The following CTSC variants were observed in gnomAD, a reference collection of about 807,000 sequenced individuals.
CTSC encodes the protein cathepsin C, also known as dipeptidyl peptidase 1.
Under a neutral mutation model 40.9 loss-of-function variants are expected in CTSC, and 37 were observed. The ratio of observed to expected loss-of-function variants is 0.91; its 90% CI spans 0.70 to 1.19. The LOEUF is 1.19. Among genes scored for constraint, CTSC ranks in the 50% most tolerant of loss-of-function variants. The pLI, the probability that CTSC is intolerant of heterozygous loss-of-function variation, is 0.00. For synonymous variants in CTSC, 232 were observed against 207.4 expected (o/e 1.12, Z -1.02); for missense variants, 594 against 567.3 (o/e 1.05, Z -0.48).
intron 5 of CTSC, chr11:88,299,643 GA>G (rs1015730072): frequency 2.0e-5 from 3 of 152,150 alleles, no homozygotes; most frequent in Non-Finnish European, 4.4e-5. Context: ...TTAGGAAAGG[GA>G]AACAACAGTT....
At chr11:88,317,359 A>G (rs1299584433) in intron 2 of CTSC, among the ~76,000 whole-genome samples, 1 of 152,236 alleles carries the variant, frequency 6.6e-6, no homozygotes, top group Non-Finnish European at 1.5e-5. Context: ...TTTTGTTGTT[A>G]TAACTTAAAC....
intron 2 of CTSC, among the ~76,000 whole-genome samples, chr11:88,318,380 T>C (rs1244875852): frequency 6.6e-6 from 1 of 152,206 alleles, no homozygotes; most frequent in African/African-American, 2.4e-5. Context: ...ATGAAAGATA[T>C]AGATGAAATT....
In CTSC at chr11:88,337,727, G is replaced by A. The variant is rs766114323; in HGVS notation, c.-55C>T. The A allele has an allele frequency of 3.9e-6, 6 of 1,544,052 alleles. No individual in the cohort carries two copies. Among genetic ancestry groups the A allele is most frequent in the Admixed American group, 2.0e-5 (1 of 51,030 alleles). ...AATTACCAGGAAGCCGAGCGCTGCG[G>A]GCTAGCGGTGAGTCCACCACGAGGC... On this transcript the variant is annotated 5_prime_UTR_variant, in exon 1 of 7. Transcript: ENST00000227266.
intron 2 of CTSC, chr11:88,325,792 CAT>C (rs1454282688): frequency 2.0e-6 from 2 of 985,762 alleles, no homozygotes; most frequent in Non-Finnish European, 2.4e-6. Flanking sequence ...AGCAGTCTGA[CAT>C]ATCTGAGAAA....
rs775385114 is a variant in CTSC at position 88,294,150 on chromosome 11, TGA to T, written c.1246_1247del (p.Ala417LeufsTer9). The T allele has an allele frequency of 3.7e-6, 6 of 1,613,950 alleles. No individual in the cohort carries two copies. Among genetic ancestry groups the T allele is most frequent in the Non-Finnish European group, 3.4e-6 (4 of 1,180,016 alleles). ...AVLLVGYGTD[S>X]ASGMDYWIVK... Reference sequence around the variant, plus strand: ...CAATCCAGTAATCCATCCCAGAGGCTGAGTCAGTGCCATAGCCCACAAGCAGA... The same window carrying T: ...CAATCCAGTAATCCATCCCAGAGGCTGTCAGTGCCATAGCCCACAAGCAGA... On this transcript the variant is annotated frameshift_variant, in exon 7 of 7. Transcript: ENST00000227266. LOFTEE classifies it high-confidence loss of function.
chr11:88,333,534 C>A (rs533203344), intron 2 of CTSC, among the ~76,000 whole-genome samples: 1 of 152,188 alleles, frequency 6.6e-6, no homozygotes, highest in African/African-American at 2.4e-5. Context: ...GATTCTTAAT[C>A]TGAAGTCAAA....
chr11:88,325,435 G>T, intron 2 of CTSC: 1 of 985,320 alleles, frequency 1.0e-6, no homozygotes, highest in Non-Finnish European at 1.2e-6. Flanking sequence ...TCACAGACTG[G>T]AATTTACCAG....
At chr11:88,333,138 A>G (rs1006664698) in intron 2 of CTSC, among the ~76,000 whole-genome samples, 6 of 152,242 alleles carry the variant, frequency 3.9e-5, no homozygotes, top group African/African-American at 1.4e-4. Context: ...TGAAAAAATA[A>G]TAAAAGAAGA....
intron 4 of CTSC, among the ~76,000 whole-genome samples, chr11:88,307,085 G>T (rs1409138176): frequency 6.6e-6 from 1 of 152,200 alleles, no homozygotes; most frequent in South Asian, 2.1e-4. Flanking sequence ...AAGTGTTTTA[G>T]TTGAGTAATT....
At chr11:88,295,121 A>T (rs1944283642) in intron 6 of CTSC, among the ~76,000 whole-genome samples, 1 of 152,138 alleles carries the variant, frequency 6.6e-6, no homozygotes, top group Non-Finnish European at 1.5e-5. Flanking sequence ...TGTAAGCTTC[A>T]TGAGGATAAA....
intron 2 of CTSC, chr11:88,325,590 A>G: frequency 1.0e-6 from 1 of 984,920 alleles, no homozygotes; most frequent in African/African-American, 1.7e-5. Context: ...ACTGTAAGAG[A>G]TTAATTTTCT....
chr11:88,315,966 G>A (rs55775333), intron 2 of CTSC, among the ~76,000 whole-genome samples: 14 of 151,744 alleles, frequency 9.2e-5, no homozygotes, highest in Admixed American at 7.9e-4. Flanking sequence ...TTCAAATACA[G>A]GTTTACATGT....
Position 88,328,502 on chromosome 11 carries a change from T to C in CTSC, c.318+6435A>G, listed in dbSNP as rs117608360. On this transcript the variant is annotated intron_variant, in intron 2 of 6. Transcript: ENST00000227266. ...GAAAAAATGTCACAATATTCCCAAA[T>C]CTTTTATTGTAGAAACACAGGCGAC... Among the ~76,000 whole-genome samples the C allele has an allele frequency of 1.1e-3, 172 of 152,310 alleles. 3 individuals carry two copies. The East Asian group carries it at 0.031, about 28-fold the overall frequency.
At position 88,327,724 on chromosome 11, in the gene CTSC, T is replaced by C. The variant is rs562680596; in HGVS notation, c.318+7213A>G. 2.0e-5 allele frequency among the ~76,000 whole-genome samples: 3 copies of C among 152,340 alleles called. No individual in the cohort carries two copies. In the East Asian group the frequency reaches 5.8e-4, roughly 29 times the overall value. On this transcript the variant is annotated intron_variant, in intron 2 of 6. Transcript: ENST00000227266. ...GCTGCTGTGGCCTCACATGTTTCTC[T>C]CTTGAGGGATTCTTTTCAAGAAAAG... is the stretch of plus-strand genomic sequence containing the variant.
intron 5 of CTSC, chr11:88,296,521 A>C: frequency 2.4e-6 from 1 of 408,764 alleles, no homozygotes; most frequent in South Asian, 2.1e-5. Flanking sequence ...AACTAAAAAA[A>C]CCCCTCATAA....
intron 6 of CTSC, among the ~76,000 whole-genome samples, chr11:88,295,621 T>C (rs2134765120): frequency 6.6e-6 from 1 of 152,204 alleles, no homozygotes; most frequent in South Asian, 2.1e-4. Context: ...ACTCAAGAGA[T>C]TCACCCATCT....
intron 2 of CTSC, chr11:88,334,688 AC>A: frequency 2.3e-6 from 1 of 438,256 alleles, no homozygotes; most frequent in Non-Finnish European, 4.1e-6. Context: ...AGTCATACTT[AC>A]CAAAATGTAA....
intron 4 of CTSC, among the ~76,000 whole-genome samples, chr11:88,308,348 T>C (rs1431241169): frequency 6.6e-6 from 1 of 152,184 alleles, no homozygotes; most frequent in Admixed American, 6.5e-5. Flanking sequence ...TTGTCAGCCG[T>C]TATTCCAGAG....
intron 2 of CTSC, among the ~76,000 whole-genome samples, chr11:88,329,761 C>T (rs1271204214): frequency 3.9e-5 from 6 of 152,154 alleles, no homozygotes; most frequent in Non-Finnish European, 8.8e-5. Flanking sequence ...GAGTCTCACG[C>T]TGTCACCCAG....
Sources: allele counts gnomAD v4.1 joint callset (sites outside exome capture counted in the v4.1 genomes callset), GRCh38; gene constraint gnomAD v4.1.1; transcripts MANE v1.5; gene names NCBI Gene and HGNC (gene_info 2026-07-23, HGNC 2026-07-21).